The following EEPD1 variants were observed in gnomAD, a reference collection of about 807,000 sequenced individuals.
The protein encoded by EEPD1 is endonuclease/exonuclease/phosphatase family domain-containing protein 1.
In EEPD1, 17 loss-of-function variants were observed where a neutral mutation model predicts 46.3. That is an observed-to-expected ratio of 0.37 (90% CI 0.25 to 0.55). The LOEUF (loss-of-function observed/expected upper bound fraction) is 0.55. Ranked by LOEUF, EEPD1 falls within the 20% of genes least tolerant of loss-of-function variation. EEPD1 has a pLI of 0.83. For missense variants in EEPD1, 673 were observed against 745.6 expected, an observed-to-expected ratio of 0.90 and a Z score of 1.13; for synonymous variants, 313 against 315.6, an observed-to-expected ratio of 0.99 and a Z score of 0.09.
chr7:36,224,255 G>A (rs1282502251), intron 2 of EEPD1, among the ~76,000 whole-genome samples: 3 of 152,182 alleles, frequency 2.0e-5, no homozygotes, highest in Non-Finnish European at 4.4e-5. Context: ...CCTGTTCAGT[G>A]GGATCTCAGT....
intron 2 of EEPD1, among the ~76,000 whole-genome samples, chr7:36,187,201 G>A (rs1328723876): frequency 6.6e-6 from 1 of 152,102 alleles, no homozygotes; most frequent in African/African-American, 2.4e-5. Context: ...AAAATATTAA[G>A]CGACATCACT....
intron 2 of EEPD1, among the ~76,000 whole-genome samples, chr7:36,184,903 G>T (rs1260582888): frequency 6.6e-6 from 1 of 151,940 alleles, no homozygotes; most frequent in Non-Finnish European, 1.5e-5. Context: ...GCTAATTTTT[G>T]GATTTTTAGT....
At chr7:36,156,234 G>A (rs1784823231) in intron 2 of EEPD1, among the ~76,000 whole-genome samples, 1 of 152,168 alleles carries the variant, frequency 6.6e-6, no homozygotes, top group Non-Finnish European at 1.5e-5. Flanking sequence ...AAATCACAGT[G>A]CATGATGGCA....
intron 3 of EEPD1, among the ~76,000 whole-genome samples, chr7:36,263,789 TC>T (rs940109644): frequency 6.6e-6 from 1 of 152,210 alleles, no homozygotes; most frequent in African/African-American, 2.4e-5. Context: ...CTTCCCTCCA[TC>T]CACCTGCCTA....
At chr7:36,281,274 T>TA (rs763926104) in intron 4 of EEPD1, 49 bp downstream of exon 4, 226 of 1,528,554 alleles carry the variant, frequency 1.5e-4, no homozygotes, top group Non-Finnish European at 2.0e-4. Context: ...AATTTATACA[T>TA]ACTTTTCCCC....
chr7:36,210,911 G>A (rs1350431506), intron 2 of EEPD1, among the ~76,000 whole-genome samples: 1 of 152,142 alleles, frequency 6.6e-6, no homozygotes, highest in Non-Finnish European at 1.5e-5. Flanking sequence ...TGGTGGCTCA[G>A]AGCATAGGCT....
At chr7:36,277,039 C>T (rs1787192477) in intron 3 of EEPD1, among the ~76,000 whole-genome samples, 1 of 152,240 alleles carries the variant, frequency 6.6e-6, no homozygotes, top group Non-Finnish European at 1.5e-5. Context: ...GTGTGAGAAC[C>T]AGCTGCTCTA....
intron 6 of EEPD1, among the ~76,000 whole-genome samples, chr7:36,291,941 T>A (rs1787448186): frequency 6.6e-6 from 1 of 152,248 alleles, no homozygotes; most frequent in Admixed American, 6.5e-5. Flanking sequence ...TGGAAAATAC[T>A]TCATAACTAT....
intron 2 of EEPD1, among the ~76,000 whole-genome samples, chr7:36,177,522 G>C (rs1785203348): frequency 6.6e-6 from 1 of 152,116 alleles, no homozygotes; most frequent in South Asian, 2.1e-4. Context: ...TGGAGTATTT[G>C]GTTTCTGTTC....
chr7:36,168,303 A>G (rs940884957), intron 2 of EEPD1, among the ~76,000 whole-genome samples: 1 of 152,242 alleles, frequency 6.6e-6, no homozygotes, highest in African/African-American at 2.4e-5. Flanking sequence ...TGAGGTGAGT[A>G]AACTATGTCC....
chr7:36,188,766 T>C, intron 2 of EEPD1, among the ~76,000 whole-genome samples: 1 of 152,126 alleles, frequency 6.6e-6, no homozygotes, highest in Admixed American at 6.6e-5. Flanking sequence ...TAAAAAAAAA[T>C]TGAGCTCTGA....
intron 2 of EEPD1, among the ~76,000 whole-genome samples, chr7:36,232,735 G>A (rs1408742003): frequency 3.3e-5 from 5 of 151,156 alleles, no homozygotes; most frequent in Admixed American, 6.6e-5. Context: ...GGGGTTGGAG[G>A]GTAGCACTGT....
chr7:36,271,506 A>G (rs981966987), intron 3 of EEPD1, among the ~76,000 whole-genome samples: 2 of 152,058 alleles, frequency 1.3e-5, no homozygotes, highest in Admixed American at 1.3e-4. Flanking sequence ...GATTTTGGAT[A>G]TTAGCCCTTT....
intron 2 of EEPD1, among the ~76,000 whole-genome samples, chr7:36,179,697 T>TAA (rs56263813): frequency 2.9e-4 from 25 of 85,312 alleles, no homozygotes; most frequent in East Asian, 8.3e-4. Flanking sequence ...CTGTCTCTAC[T>TAA]AAAAAAAAAA....
At chr7:36,226,224 A>G (rs1786229651) in intron 2 of EEPD1, among the ~76,000 whole-genome samples, 1 of 152,162 alleles carries the variant, frequency 6.6e-6, no homozygotes, top group Non-Finnish European at 1.5e-5. Flanking sequence ...ATCAAGAAAA[A>G]GTTGTTTCAG....
intron 3 of EEPD1, among the ~76,000 whole-genome samples, chr7:36,251,838 A>G (rs73341010): frequency 0.015 from 2,255 of 152,354 alleles, 58 homozygotes; most frequent in African/African-American, 0.052. Flanking sequence ...AGAATTTAAA[A>G]TTACATATAT....
At chr7:36,293,213 A>G (rs1787474807) in intron 6 of EEPD1, among the ~76,000 whole-genome samples, 1 of 152,256 alleles carries the variant, frequency 6.6e-6, no homozygotes, top group African/African-American at 2.4e-5. Context: ...GAAGAAAATA[A>G]TAAGACTTCA....
chr7:36,163,440 T>C (rs369903955), intron 2 of EEPD1, among the ~76,000 whole-genome samples: 30 of 152,338 alleles, frequency 2.0e-4, no homozygotes, highest in African/African-American at 7.0e-4. Flanking sequence ...ACACTGACAG[T>C]TGCTGTGGCT....
At chr7:36,254,353 C>T (rs1180786841) in intron 3 of EEPD1, among the ~76,000 whole-genome samples, 1 of 152,176 alleles carries the variant, frequency 6.6e-6, no homozygotes, top group Non-Finnish European at 1.5e-5. Flanking sequence ...TCTTCAACTC[C>T]CACTTACGAG....
Sources: gnomAD v4.1 joint callset for allele counts (sites outside exome capture counted in the v4.1 genomes callset) on GRCh38, gnomAD v4.1.1 for gene constraint, MANE v1.5 for transcripts, NCBI Gene and HGNC (gene_info 2026-07-23, HGNC 2026-07-21) for gene names.